The following DEPDC5 variants were observed in gnomAD, a reference collection of about 807,000 sequenced individuals.
DEPDC5 encodes DEP domain containing 5, GATOR1 subcomplex subunit, also known as GATOR1 complex protein DEPDC5.
In DEPDC5, 73 loss-of-function variants were observed where a neutral mutation model predicts 217.3. The ratio of observed to expected loss-of-function variants is 0.34; its 90% CI spans 0.28 to 0.41. The LOEUF (loss-of-function observed/expected upper bound fraction) is 0.41. Ranked by LOEUF, DEPDC5 falls within the 10% of genes least tolerant of loss-of-function variation. The probability of loss-of-function intolerance (pLI) is 1.00; values close to 1 mark genes in which losing one functional copy is unlikely to be tolerated. For missense variants in DEPDC5, 1,675 were observed against 2,070.1 expected, an observed-to-expected ratio of 0.81 and a Z score of 3.70; for synonymous variants, 733 against 756.7, an observed-to-expected ratio of 0.97 and a Z score of 0.51.
chr22:31,782,152 T>G (rs538772533), intron 8 of DEPDC5, among the ~76,000 whole-genome samples: 1 of 152,000 alleles, frequency 6.6e-6, no homozygotes, highest in Non-Finnish European at 1.5e-5. Context: ...TTTTTTTTTT[T>G]TTTGAGGTGG....
chr22:31,840,792 C>T (rs1370778892), intron 27 of DEPDC5, among the ~76,000 whole-genome samples: 1 of 152,200 alleles, frequency 6.6e-6, no homozygotes, highest in Non-Finnish European at 1.5e-5. Flanking sequence ...GCTTATTCAT[C>T]AGAGATTTAT....
chr22:31,839,225 G>A (rs2091240476), intron 27 of DEPDC5, among the ~76,000 whole-genome samples: 1 of 152,170 alleles, frequency 6.6e-6, no homozygotes, highest in African/African-American at 2.4e-5. Flanking sequence ...ACCTAAACCT[G>A]AAGTTTACAT....
chr22:31,868,745 A>G (rs2092757002), intron 33 of DEPDC5, among the ~76,000 whole-genome samples: 1 of 152,172 alleles, frequency 6.6e-6, no homozygotes, highest in African/African-American at 2.4e-5. Context: ...TTGTTTTAGA[A>G]AGCAATTTTT....
At position 31,814,999 on chromosome 22, in the gene DEPDC5, C is replaced by G; in HGVS notation, c.1453C>G (p.Arg485Gly). 1.9e-6 allele frequency: 3 copies of G among 1,613,966 alleles called. No individual in the cohort carries two copies. Among genetic ancestry groups the G allele is most frequent in the Non-Finnish European group, 2.5e-6 (3 of 1,179,924 alleles). The change falls in exon 21 of 43, where the codon CGA becomes GGA. Residue 485 changes from arginine to glycine, a missense_variant. Around this residue, in one of 11 missense-constraint regions of DEPDC5, gnomAD observed 628 missense variants for 762.1 expected, o/e 0.82. Transcript: ENST00000651528. ...AQCLTTCRSV[R>G]ERESHSRKSA... Reference sequence around the variant, plus strand: ...TTGTCTCTTGCCTGGCAGATCTGTGCGAGAGCGAGAGAGTCACAGTCGAAA... The same window carrying G: ...TTGTCTCTTGCCTGGCAGATCTGTGGGAGAGCGAGAGAGTCACAGTCGAAA...
In DEPDC5 at chr22:31,810,709, AC is replaced by A; in HGVS notation, c.1445+70del. ...TAGGAAAACCTGAAGTTCAGTAGTGACCTCTAAGAGAGCAACCTTGAAAATC... is the reference window on the plus strand; with the variant it reads ...TAGGAAAACCTGAAGTTCAGTAGTGACTCTAAGAGAGCAACCTTGAAAATC... On this transcript the variant is annotated intron_variant, in intron 20 of 42. Transcript: ENST00000651528. 2.5e-6 allele frequency: 4 copies of A among 1,594,008 alleles called. No individual in the cohort carries two copies. In the East Asian group the frequency reaches 6.7e-5, roughly 27 times the overall value.
chr22:31,876,262 C>T lies in DEPDC5; in HGVS notation c.3802C>T (p.Arg1268Ter), dbSNP rs886039268. ...YKIVTDKEPD[R>*]VAMQQPATTW... Reference sequence around the variant, plus strand: ...GATAGTAACGGACAAAGAGCCCGACCGAGGTTAGAGCCGAGGCGAATGCGG... The same window carrying T: ...GATAGTAACGGACAAAGAGCCCGACTGAGGTTAGAGCCGAGGCGAATGCGG... The change falls in exon 37 of 43, where the codon CGA (arginine) becomes TGA (stop). Residue 1268 changes from arginine (R) to a stop codon, truncating the protein, a stop_gained. Coordinates refer to ENST00000651528, the MANE Select transcript of DEPDC5 (RefSeq NM_001242896.3). LOFTEE classifies it high-confidence loss of function. 1 of 1,613,206 alleles carries T rather than the reference C, an allele frequency of 6.2e-7. No homozygotes were observed. The highest frequency in any genetic ancestry group is 8.5e-7 in the Non-Finnish European group (1 of 1,179,854).
chr22:31,807,209 A>G (rs905378706), intron 18 of DEPDC5, among the ~76,000 whole-genome samples: 7 of 152,182 alleles, frequency 4.6e-5, no homozygotes, highest in Admixed American at 6.6e-5. Context: ...TTGAGAGCAA[A>G]TGTTTATGCT....
intron 10 of DEPDC5, 47 bp downstream of exon 10, chr22:31,784,922 A>T (rs766771020): frequency 6.5e-7 from 1 of 1,543,670 alleles, no homozygotes; most frequent in African/African-American, 1.4e-5. Context: ...AACATTACTC[A>T]ATCAGATTTT....
intron 2 of DEPDC5, among the ~76,000 whole-genome samples, chr22:31,755,929 G>A (rs1222551484): frequency 6.6e-6 from 1 of 151,504 alleles, no homozygotes; most frequent in Non-Finnish European, 1.5e-5. Context: ...CTGGAGTGCA[G>A]TGGCGTGATC....
Position 31,819,210 on chromosome 22 carries a change from C to G in DEPDC5, c.1855C>G (p.His619Asp). Residue 619 changes from histidine to aspartate, a missense_variant, in exon 22 of 43, where the codon CAC (histidine) becomes GAC (aspartate). Transcript: ENST00000651528. Reference sequence around the variant, plus strand: ...TACGTCCAACAGAAGGCGCTGGATGCACACTTTTCCTGTGGGTAAGTTGGT... The same window carrying G: ...TACGTCCAACAGAAGGCGCTGGATGGACACTTTTCCTGTGGGTAAGTTGGT... ...KLTSNRRRWM[H>D]TFPVGPSGEA... 2 of 1,614,136 alleles carry G rather than the reference C, an allele frequency of 1.2e-6. No individual in the cohort carries two copies. The highest frequency in any genetic ancestry group is 1.7e-6 in the Non-Finnish European group (2 of 1,180,032).
At chr22:31,899,497 T>A (rs2093611129) in intron 40 of DEPDC5, among the ~76,000 whole-genome samples, 1 of 152,196 alleles carries the variant, frequency 6.6e-6, no homozygotes, top group South Asian at 2.1e-4. Context: ...CAAGTGATTC[T>A]CCTGCCTCAG....
intron 8 of DEPDC5, among the ~76,000 whole-genome samples, chr22:31,780,636 C>G (rs1054174039): frequency 3.9e-5 from 6 of 152,182 alleles, no homozygotes; most frequent in South Asian, 2.1e-4. Flanking sequence ...AGCCACTCAT[C>G]CAGGTCTCAG....
At chr22:31,903,912 A>G (rs1216441083) in intron 41 of DEPDC5, among the ~76,000 whole-genome samples, 1 of 151,776 alleles carries the variant, frequency 6.6e-6, no homozygotes, top group Non-Finnish European at 1.5e-5. Context: ...TCCTTCTATA[A>G]TGCCTAGCAA....
chr22:31,895,326 A>G (rs1325773268), intron 39 of DEPDC5, among the ~76,000 whole-genome samples: 1 of 152,012 alleles, frequency 6.6e-6, no homozygotes, highest in Admixed American at 6.6e-5. Flanking sequence ...CCCTGTTTTA[A>G]CTGGTCTTCC....
At chr22:31,805,576 C>A (rs1555880404) in intron 17 of DEPDC5, among the ~76,000 whole-genome samples, 1 of 151,878 alleles carries the variant, frequency 6.6e-6, no homozygotes, top group Non-Finnish European at 1.5e-5. Context: ...TCTTGGCTCA[C>A]TGCAACCTCC....
intron 38 of DEPDC5, among the ~76,000 whole-genome samples, chr22:31,883,409 C>T (rs1421070955): frequency 2.0e-5 from 3 of 152,124 alleles, no homozygotes; most frequent in Non-Finnish European, 4.4e-5. Flanking sequence ...GTCCTCCACT[C>T]TGCTCTGCTC....
rs976758928 is a variant in DEPDC5 at position 31,784,899 on chromosome 22, G to A, written c.624+24G>A. On this transcript the variant is annotated intron_variant, in intron 10 of 42. Coordinates refer to ENST00000651528, the MANE Select transcript of DEPDC5 (RefSeq NM_001242896.3). ...AGGTACATTTCTTCTTACACACTAA[G>A]TCTCATTATGTAAACATTACTCAAT... 4.4e-6 allele frequency: 7 copies of A among 1,595,646 alleles called. No homozygotes were observed. In the African/African-American group the frequency reaches 6.7e-5, roughly 15 times the overall value.
intron 39 of DEPDC5, 50 bp downstream of exon 39, chr22:31,893,801 G>A: frequency 6.9e-7 from 1 of 1,459,346 alleles, no homozygotes; most frequent in African/African-American, 1.5e-5. Flanking sequence ...CTCACAGTGG[G>A]CATGGAGATG....
At chr22:31,852,141 C>T (rs538957357) in intron 31 of DEPDC5, among the ~76,000 whole-genome samples, 2 of 151,822 alleles carry the variant, frequency 1.3e-5, no homozygotes, top group South Asian at 2.1e-4. Context: ...CCAGTCTGGG[C>T]GACAGCAAGA....
Sources: gnomAD v4.1 joint callset for allele counts (sites outside exome capture counted in the v4.1 genomes callset) on GRCh38, gnomAD v4.1.1 for gene constraint, gnomAD v4.1.1 regional missense constraint, MANE v1.5 for transcripts, NCBI Gene and HGNC (gene_info 2026-07-23, HGNC 2026-07-21) for gene names.